FSTL4: variants seen among roughly 807,000 people sequenced by gnomAD.
FSTL4 encodes follistatin-related protein 4.
FSTL4 carries 28 observed loss-of-function variants against 78.2 expected under a neutral mutation model. That is an observed-to-expected ratio of 0.36 (90% CI 0.27 to 0.49). The LOEUF (loss-of-function observed/expected upper bound fraction) is 0.49, where lower values mean the gene tolerates loss of function less well. Among genes scored for constraint, FSTL4 ranks in the 20% least tolerant of loss-of-function variants. FSTL4 has a pLI of 0.98. For missense variants in FSTL4, 922 were observed against 1,084.9 expected (o/e 0.85, Z 2.11); for synonymous variants, 422 against 440.5 (o/e 0.96, Z 0.53).
the FSTL4 span, among the ~76,000 whole-genome samples, chr5:133,693,321 T>C: frequency 6.6e-6 from 1 of 152,204 alleles, no homozygotes; most frequent in Non-Finnish European, 1.5e-5. Context: ...TTAGGGAGCC[T>C]TTTATGGGAA....
At chr5:133,250,003 G>A (rs2126823284) in intron 6 of FSTL4, among the ~76,000 whole-genome samples, 1 of 152,346 alleles carries the variant, frequency 6.6e-6, no homozygotes, top group Non-Finnish European at 1.5e-5. Context: ...GAGCTAACAA[G>A]TTTCTCATCC....
the FSTL4 span, among the ~76,000 whole-genome samples, chr5:133,776,867 G>A: frequency 6.6e-6 from 1 of 152,182 alleles, no homozygotes; most frequent in African/African-American, 2.4e-5. Context: ...TGATTTCACA[G>A]AGGAGGCCTG....
the FSTL4 span, among the ~76,000 whole-genome samples, chr5:133,830,337 C>T: frequency 1.3e-5 from 2 of 152,162 alleles, no homozygotes; most frequent in Admixed American, 6.5e-5. Flanking sequence ...GCTCTCTGTA[C>T]CTAGGGGTGC....
At chr5:133,517,132 G>A (rs997406598) in intron 3 of FSTL4, among the ~76,000 whole-genome samples, 3 of 151,192 alleles carry the variant, frequency 2.0e-5, no homozygotes, top group African/African-American at 7.3e-5. Flanking sequence ...ACTAAAAAAT[G>A]TACAAACTGG....
At chr5:133,235,013 A>G (rs184209559) in intron 7 of FSTL4, among the ~76,000 whole-genome samples, 1 of 152,258 alleles carries the variant, frequency 6.6e-6, no homozygotes, top group African/African-American at 2.4e-5. Flanking sequence ...TTCCCACAGA[A>G]GCATTCTGGT....
At chr5:133,447,203 G>T (rs1757287354) in intron 3 of FSTL4, among the ~76,000 whole-genome samples, 1 of 152,246 alleles carries the variant, frequency 6.6e-6, no homozygotes, top group South Asian at 2.1e-4. Flanking sequence ...CTGTGTGACA[G>T]CCGGGGAAGT....
intron 13 of FSTL4, among the ~76,000 whole-genome samples, chr5:133,211,627 G>A (rs947311008): frequency 3.3e-5 from 5 of 152,116 alleles, no homozygotes; most frequent in African/African-American, 1.2e-4. Flanking sequence ...TTCTGAATTC[G>A]TGCCGAATTC....
At chr5:133,738,594 T>C in the FSTL4 span, among the ~76,000 whole-genome samples, 1 of 152,162 alleles carries the variant, frequency 6.6e-6, no homozygotes, top group Non-Finnish European at 1.5e-5. Context: ...CCCAAAGAAC[T>C]TCTGTGGCCT....
intron 4 of FSTL4, among the ~76,000 whole-genome samples, chr5:133,391,353 T>C (rs1363487685): frequency 6.6e-6 from 1 of 152,056 alleles, no homozygotes; most frequent in African/African-American, 2.4e-5. Flanking sequence ...ACCTCTCGAG[T>C]GTTGGGCATA....
At chr5:133,320,516 A>G (rs938176542) in intron 4 of FSTL4, among the ~76,000 whole-genome samples, 7 of 152,144 alleles carry the variant, frequency 4.6e-5, no homozygotes, top group Admixed American at 1.3e-4. Flanking sequence ...AAAATAAAGA[A>G]AAAGAAAATA....
chr5:133,666,910 G>A, the FSTL4 span, among the ~76,000 whole-genome samples: 1 of 152,144 alleles, frequency 6.6e-6, no homozygotes, highest in Non-Finnish European at 1.5e-5. Flanking sequence ...CCTGGTATCT[G>A]AATTATATTT....
the FSTL4 span, among the ~76,000 whole-genome samples, chr5:133,715,632 A>G: frequency 6.6e-6 from 1 of 152,200 alleles, no homozygotes; most frequent in South Asian, 2.1e-4. Context: ...CAGAGCTCTT[A>G]AACTTCTCAA....
In FSTL4 at chr5:133,282,164, C is replaced by T. The variant is rs149529127; in HGVS notation, c.727+30490G>A. On this transcript the variant is annotated intron_variant, in intron 6 of 15. Transcript: ENST00000265342. ...TTAAGGCCTCTCTGAGCAGGGGACA[C>T]TTGAACTGAGTCTTAAAGGAGTTTG... Among the ~76,000 whole-genome samples the T allele has an allele frequency of 1.7e-3, 264 of 152,244 alleles. 2 individuals carry two copies. The highest frequency in any genetic ancestry group is 1.7e-3 in the Non-Finnish European group (113 of 68,000).
At chr5:133,696,307 C>T in the FSTL4 span, among the ~76,000 whole-genome samples, 1 of 152,238 alleles carries the variant, frequency 6.6e-6, no homozygotes, top group Non-Finnish European at 1.5e-5. Flanking sequence ...TTGTCTGGGG[C>T]TCTGAGCTTT....
chr5:133,606,426 C>A (rs1225932313), intron 1 of FSTL4, among the ~76,000 whole-genome samples: 2 of 152,178 alleles, frequency 1.3e-5, no homozygotes, highest in Admixed American at 1.3e-4. Flanking sequence ...AGCTGAGCTG[C>A]AACCCATTTT....
At position 133,559,748 on chromosome 5, in the gene FSTL4, T is replaced by G. The variant is rs181557310; in HGVS notation, c.160+7438A>C. Among the ~76,000 whole-genome samples the G allele has an allele frequency of 2.0e-5, 3 of 152,262 alleles. No homozygotes were observed. In the East Asian group the frequency reaches 5.8e-4, roughly 29 times the overall value. ...CCCGTCATAACCACAGAGGTTTAGC[T>G]CATGTGCATGAACACAGTTTAAGCT... On this transcript the variant is annotated intron_variant, in intron 3 of 15. Transcript: ENST00000265342.
the FSTL4 span, among the ~76,000 whole-genome samples, chr5:133,620,638 A>T: frequency 6.6e-6 from 1 of 152,246 alleles, no homozygotes; most frequent in Non-Finnish European, 1.5e-5. Flanking sequence ...AAATTATAAC[A>T]GTCTCAAGCA....
At chr5:133,687,834 C>T in the FSTL4 span, among the ~76,000 whole-genome samples, 136 of 152,316 alleles carry the variant, frequency 8.9e-4, no homozygotes, top group African/African-American at 3.2e-3. Flanking sequence ...TGCAGGCTGG[C>T]GCCATGGCTA....
chr5:133,540,312 G>T (rs1006211773), intron 3 of FSTL4, among the ~76,000 whole-genome samples: 2 of 151,930 alleles, frequency 1.3e-5, no homozygotes, highest in African/African-American at 4.8e-5. Flanking sequence ...TTTCTGCAGA[G>T]AACCCTAATA....
Sources: allele counts gnomAD v4.1 joint callset (sites outside exome capture counted in the v4.1 genomes callset), GRCh38; gene constraint gnomAD v4.1.1; transcripts MANE v1.5; gene names NCBI Gene and HGNC (gene_info 2026-07-23, HGNC 2026-07-21).